Variants in PRKN observed in about 807,000 individuals in gnomAD.
PRKN encodes the protein E3 ubiquitin-protein ligase parkin.
A neutral mutation model predicts 59.5 loss-of-function variants in PRKN; 56 were observed. The observed-to-expected ratio is 0.94, with a 90% CI of 0.76 to 1.18. The LOEUF (loss-of-function observed/expected upper bound fraction) is 1.18. Among genes scored for constraint, PRKN ranks in the 50% most tolerant of loss-of-function variants. The pLI is 0.00. For missense variants in PRKN, 657 were observed against 596.4 expected (o/e 1.10, Z -1.06); for synonymous variants, 250 against 222.1 (o/e 1.13, Z -1.12).
intron 1 of PRKN, among the ~76,000 whole-genome samples, chr6:162,449,387 T>C (rs1043467631): frequency 1.3e-5 from 2 of 152,188 alleles, no homozygotes; most frequent in African/African-American, 4.8e-5. Flanking sequence ...TCTATTTCCC[T>C]ACCCAATAAT....
At chr6:162,724,841 C>T (rs905911247) in intron 1 of PRKN, among the ~76,000 whole-genome samples, 1 of 152,136 alleles carries the variant, frequency 6.6e-6, no homozygotes, top group Non-Finnish European at 1.5e-5. Context: ...AGTAGTACAA[C>T]GAAGGTCATA....
intron 5 of PRKN, among the ~76,000 whole-genome samples, chr6:161,976,325 G>A (rs998161811): frequency 3.3e-5 from 5 of 152,132 alleles, no homozygotes; most frequent in Non-Finnish European, 7.4e-5. Flanking sequence ...ATCCTATCTG[G>A]GGCAGTGGAA....
rs575386941 is a variant in PRKN at position 161,372,598 on chromosome 6, C to T, written c.1168-12393G>A. On this transcript the variant is annotated intron_variant, in intron 10 of 11. Coordinates refer to ENST00000366898, the MANE Select transcript of PRKN (RefSeq NM_004562.3). The surrounding 1 kb of genome is among the most constrained non-coding windows in gnomAD (Gnocchi z 4.2). ...ACAATCCCTGCCTTGTGGAGCTTCC[C>T]CATTAGCAGAACGGCGGCTCTCAGA... Among the ~76,000 whole-genome samples the T allele has an allele frequency of 3.3e-3, 501 of 152,278 alleles. 4 individuals are homozygous for T. Among genetic ancestry groups the T allele is most frequent in the African/African-American group, 0.012 (480 of 41,540 alleles).
intron 3 of PRKN, among the ~76,000 whole-genome samples, chr6:162,215,737 G>A (rs1016588168): frequency 2.0e-5 from 3 of 152,038 alleles, no homozygotes; most frequent in African/African-American, 7.2e-5. Flanking sequence ...CTGAATACAG[G>A]AGCAAAACTG....
intron 7 of PRKN, among the ~76,000 whole-genome samples, chr6:161,663,142 G>C (rs1480444210): frequency 1.3e-5 from 2 of 152,302 alleles, no homozygotes; most frequent in East Asian, 3.9e-4. Context: ...CCAGGAATGT[G>C]AGGCTTCCCA....
chr6:162,488,574 C>G (rs886924307), intron 1 of PRKN, among the ~76,000 whole-genome samples: 1 of 152,164 alleles, frequency 6.6e-6, no homozygotes, highest in Admixed American at 6.5e-5. Flanking sequence ...ATGAAGAACA[C>G]AGGTGGTGGG....
Position 162,710,374 on chromosome 6 carries a change from AACACACACACACAC to A in PRKN, c.7+17274_7+17287del, listed in dbSNP as rs138911423. On this transcript the variant is annotated intron_variant, in intron 1 of 11. Coordinates refer to ENST00000366898, the MANE Select transcript of PRKN (RefSeq NM_004562.3). ...CAGAAAGCCCCTGGCACCCCCTACA[AACACACACACACAC>A]ACACACACACACACACACACACACA... Among the ~76,000 whole-genome samples the A allele has an allele frequency of 7.1e-4, 89 of 125,304 alleles. No individual in the cohort carries two copies. The Middle Eastern group carries it at 0.031, about 44-fold the overall frequency. The allele number at this position is 125,304 out of a possible 152,430, so 82.2% of individuals were successfully genotyped here.
rs537285005 is a variant in PRKN, at chr6:162,272,127, G to A, written c.172-9362C>T. ...TCCATAGGGGGCGGGAGGGGGGACC[G>A]CTCAGGAATCACTCGGTTTGGCTAC... On this transcript the variant is annotated intron_variant, in intron 2 of 11. Coordinates refer to ENST00000366898, the MANE Select transcript of PRKN (RefSeq NM_004562.3). Among the ~76,000 whole-genome samples the A allele has an allele frequency of 8.5e-5, 13 of 152,230 alleles. No homozygotes were observed. In the South Asian group the frequency reaches 2.3e-3, roughly 27 times the overall value.
intron 6 of PRKN, among the ~76,000 whole-genome samples, chr6:161,831,736 G>A (rs751997813): frequency 1.8e-4 from 28 of 152,182 alleles, no homozygotes; most frequent in Non-Finnish European, 2.8e-4. Flanking sequence ...GCAGGTAAAT[G>A]TCAGCTGGCT....
intron 1 of PRKN, among the ~76,000 whole-genome samples, chr6:162,609,488 T>G (rs956064230): frequency 6.6e-6 from 1 of 152,200 alleles, no homozygotes; most frequent in Non-Finnish European, 1.5e-5. Context: ...GATGCTAAAT[T>G]TACTCCTATA....
chr6:161,583,270 T>C (rs928452434), intron 7 of PRKN, among the ~76,000 whole-genome samples: 1 of 152,158 alleles, frequency 6.6e-6, no homozygotes, highest in Non-Finnish European at 1.5e-5. Flanking sequence ...ATATATCGAC[T>C]AGGTAGCAGT....
At chr6:162,366,983 G>A (rs1386199130) in intron 2 of PRKN, among the ~76,000 whole-genome samples, 1 of 152,094 alleles carries the variant, frequency 6.6e-6, no homozygotes, top group Non-Finnish European at 1.5e-5. Context: ...AGTTTGATAT[G>A]GTTTGGCTGT....
chr6:162,704,991 CA>C (rs566097393), intron 1 of PRKN, among the ~76,000 whole-genome samples: 15 of 152,108 alleles, frequency 9.9e-5, no homozygotes, highest in Admixed American at 2.0e-4. Flanking sequence ...CAATGGTAAA[CA>C]TGTATTTTAT....
rs1350267565 is a variant in PRKN at position 161,561,927 on chromosome 6, T to C, written c.933+7428A>G. 6.6e-6 allele frequency among the ~76,000 whole-genome samples: 1 copy of C among 152,170 alleles called. No homozygotes were observed. The highest frequency in any genetic ancestry group is 2.4e-5 in the African/African-American group (1 of 41,440). On this transcript the variant is annotated intron_variant, in intron 8 of 11. Transcript: ENST00000366898. The surrounding 1 kb of genome is among the most constrained non-coding windows in gnomAD (Gnocchi z 5.0). ...TTACGCATCCCCCAAAACTGCTCAT[T>C]ATGGTCATTCGTGACTTTTGCCACA... is the stretch of plus-strand genomic sequence containing the variant.
intron 1 of PRKN, among the ~76,000 whole-genome samples, chr6:162,486,126 C>A (rs574244838): frequency 6.6e-6 from 1 of 152,086 alleles, no homozygotes; most frequent in African/African-American, 2.4e-5. Context: ...TCCACCCAAC[C>A]CCCTCCTAAT....
At chr6:161,639,968 AG>A (rs1417238750) in intron 7 of PRKN, among the ~76,000 whole-genome samples, 1 of 152,186 alleles carries the variant, frequency 6.6e-6, no homozygotes, top group Non-Finnish European at 1.5e-5. Context: ...TAGGGGCTCC[AG>A]AGAGATTTCA....
rs1777857172 is a variant in PRKN, at chr6:162,056,192, C to T, written c.535-2018G>A. Among the ~76,000 whole-genome samples, 1 of 150,706 alleles carries T rather than the reference C, an allele frequency of 6.6e-6. No homozygotes were observed. The highest frequency in any genetic ancestry group is 2.4e-5 in the African/African-American group (1 of 40,910). On this transcript the variant is annotated intron_variant, in intron 4 of 11. Coordinates refer to ENST00000366898, the MANE Select transcript of PRKN (RefSeq NM_004562.3). The surrounding 1 kb of genome is among the most constrained non-coding windows in gnomAD (Gnocchi z 4.9). The stretch of plus-strand genomic sequence containing the variant: ...ACACCACACATGCATAAACACACCA[C>T]ATATGTACATGTGCACATGTATCCC...
chr6:162,192,343 A>G (rs1249123429), intron 4 of PRKN, among the ~76,000 whole-genome samples: 4 of 151,964 alleles, frequency 2.6e-5, no homozygotes, highest in African/African-American at 9.7e-5. Flanking sequence ...CATATGTGAA[A>G]TTAGAAAAAG....
chr6:161,935,596 G>A (rs1023545727), intron 6 of PRKN, among the ~76,000 whole-genome samples: 2 of 150,946 alleles, frequency 1.3e-5, no homozygotes, highest in African/African-American at 2.4e-5. Context: ...AGGATAAGAC[G>A]TGAGTATGAA....
Sources: gnomAD v4.1 joint callset for allele counts (sites outside exome capture counted in the v4.1 genomes callset) on GRCh38, gnomAD v4.1.1 for gene constraint, Gnocchi (gnomAD v3.1) non-coding constraint, MANE v1.5 for transcripts, NCBI Gene and HGNC (gene_info 2026-07-23, HGNC 2026-07-21) for gene names.